The following CBLB variants were observed in gnomAD, a reference collection of about 807,000 sequenced individuals.
The protein encoded by CBLB is E3 ubiquitin-protein ligase CBL-B.
In CBLB, 31 loss-of-function variants were observed where a neutral mutation model predicts 104.9. That is an observed-to-expected ratio of 0.30 (90% CI 0.22 to 0.40). The LOEUF (loss-of-function observed/expected upper bound fraction) is 0.40. CBLB is among the 10% of genes least tolerant of loss of function. The pLI is 1.00. For synonymous variants in CBLB, 440 were observed against 422.6 expected, an observed-to-expected ratio of 1.04 and a Z score of -0.51; for missense variants, 1,062 against 1,214.6, an observed-to-expected ratio of 0.87 and a Z score of 1.87.
intron 10 of CBLB, among the ~76,000 whole-genome samples, chr3:105,709,464 G>A (rs1401622684): frequency 1.3e-5 from 2 of 151,562 alleles, no homozygotes; most frequent in African/African-American, 4.8e-5. Context: ...GGAATTATAG[G>A]GAAATATAAA....
chr3:105,709,803 T>C (rs931511074), intron 10 of CBLB, among the ~76,000 whole-genome samples: 1 of 151,914 alleles, frequency 6.6e-6, no homozygotes, highest in African/African-American at 2.4e-5. Context: ...TTTATGAATA[T>C]TTTTAAGGCT....
chr3:105,826,973 C>T (rs570113414), intron 3 of CBLB, among the ~76,000 whole-genome samples: 56 of 152,274 alleles, frequency 3.7e-4, no homozygotes, highest in South Asian at 1.7e-3. Flanking sequence ...TATTTACATA[C>T]ACTTACAGCT....
chr3:105,662,774 GAGAA>G (rs1247004453), intron 18 of CBLB, among the ~76,000 whole-genome samples: 3 of 152,134 alleles, frequency 2.0e-5, no homozygotes, highest in African/African-American at 7.2e-5. Context: ...ACTCTTCTTT[GAGAA>G]AGAAAGATTT....
Position 105,778,100 on chromosome 3 carries a change from TGA to T in CBLB, c.420-1560_420-1559del, listed in dbSNP as rs970535317. Reference sequence around the variant, plus strand: ...GCATGTGTATGTGCACCTGTATATATGAGAGAGAGAGAGAGTGTGTGTGTGTG... The same window carrying T: ...GCATGTGTATGTGCACCTGTATATATGAGAGAGAGAGAGTGTGTGTGTGTG... On this transcript the variant is annotated intron_variant, in intron 3 of 18. Coordinates refer to ENST00000394030, the MANE Select transcript of CBLB (RefSeq NM_170662.5). Among the ~76,000 whole-genome samples the T allele has an allele frequency of 1.4e-4, 21 of 151,174 alleles. 1 individual carries two copies. Among genetic ancestry groups the T allele is most frequent in the South Asian group, 8.4e-4 (4 of 4,782 alleles).
At chr3:105,755,498 T>C (rs1013670771) in intron 4 of CBLB, among the ~76,000 whole-genome samples, 4 of 17,526 alleles carry the variant, frequency 2.3e-4, no homozygotes, top group African/African-American at 7.3e-4. Context: ...AGGAGAATGA[T>C]TTCTTTTAAA....
intron 6 of CBLB, among the ~76,000 whole-genome samples, chr3:105,744,785 C>A (rs922337304): frequency 1.3e-5 from 2 of 152,016 alleles, no homozygotes; most frequent in African/African-American, 2.4e-5. Flanking sequence ...CAAAAAATAG[C>A]TGGGCGTGGT....
chr3:105,834,313 T>C (rs570840607), intron 3 of CBLB, among the ~76,000 whole-genome samples: 2 of 152,304 alleles, frequency 1.3e-5, no homozygotes, highest in Admixed American at 1.3e-4. Flanking sequence ...AATGTATACA[T>C]ATACAGAAAC....
intron 3 of CBLB, among the ~76,000 whole-genome samples, chr3:105,781,020 T>C (rs1053463004): frequency 6.6e-6 from 1 of 152,114 alleles, no homozygotes; most frequent in African/African-American, 2.4e-5. Flanking sequence ...AAAGTAGTTG[T>C]CAACACTGGC....
At chr3:105,822,391 T>C (rs1340629946) in intron 3 of CBLB, among the ~76,000 whole-genome samples, 1 of 152,196 alleles carries the variant, frequency 6.6e-6, no homozygotes, top group Admixed American at 6.5e-5. Flanking sequence ...AGGCAAAGTT[T>C]CTATGTCTTT....
chr3:105,831,864 T>A (rs2087580358), intron 3 of CBLB, among the ~76,000 whole-genome samples: 3 of 151,942 alleles, frequency 2.0e-5, no homozygotes, highest in Admixed American at 6.6e-5. Flanking sequence ...AGTTTAAATG[T>A]TATTCAAGAG....
intron 8 of CBLB, 59 bp from the exon 9 acceptor site, chr3:105,734,199 G>C (rs906985392): frequency 1.3e-6 from 2 of 1,561,268 alleles, no homozygotes; most frequent in African/African-American, 1.4e-5. Flanking sequence ...CAAATTGTTA[G>C]TATCAAATTT....
chr3:105,767,559 TTTC>T (rs1428132756), intron 4 of CBLB, among the ~76,000 whole-genome samples: 35 of 5,650 alleles, frequency 6.2e-3, no homozygotes, highest in East Asian at 0.026. Flanking sequence ...TTTCTTTTTC[TTTC>T]TTTTTTTTTT....
chr3:105,820,194 C>A (rs1450624243), intron 3 of CBLB, among the ~76,000 whole-genome samples: 1 of 152,148 alleles, frequency 6.6e-6, no homozygotes, highest in Non-Finnish European at 1.5e-5. Context: ...AGGGTTCACA[C>A]TCCTATGAGA....
chr3:105,854,466 T>C (rs2091343033), intron 2 of CBLB, among the ~76,000 whole-genome samples: 1 of 152,216 alleles, frequency 6.6e-6, no homozygotes, highest in South Asian at 2.1e-4. Context: ...TAAATAACTT[T>C]CAAATGAAAT....
intron 13 of CBLB, among the ~76,000 whole-genome samples, chr3:105,687,180 A>G (rs1182544081): frequency 6.6e-6 from 1 of 152,144 alleles, no homozygotes; most frequent in Non-Finnish European, 1.5e-5. Context: ...CTTTCTATGC[A>G]ATTCAAGCAT....
intron 5 of CBLB, among the ~76,000 whole-genome samples, chr3:105,748,000 T>G (rs966129504): frequency 2.0e-5 from 3 of 152,228 alleles, no homozygotes; most frequent in Admixed American, 1.3e-4. Context: ...TGTATTGTTT[T>G]CCTTGTATGC....
intron 10 of CBLB, among the ~76,000 whole-genome samples, chr3:105,713,771 C>G (rs1366723744): frequency 3.3e-5 from 5 of 152,166 alleles, no homozygotes; most frequent in Admixed American, 1.3e-4. Context: ...GGATTGCTTA[C>G]TGTCACTCAC....
At chr3:105,782,717 T>A (rs1412447182) in intron 3 of CBLB, among the ~76,000 whole-genome samples, 1 of 151,012 alleles carries the variant, frequency 6.6e-6, no homozygotes, top group African/African-American at 2.4e-5. Flanking sequence ...CTCCAGAGGG[T>A]GTATGCCACC....
rs2063341443 is a variant in CBLB at position 105,656,325 on chromosome 3, T to C, written c.*2645A>G. On this transcript the variant is annotated 3_prime_UTR_variant, in exon 19 of 19. Coordinates refer to ENST00000394030, the MANE Select transcript of CBLB (RefSeq NM_170662.5). Reference sequence around the variant, plus strand: ...ACCAAATCTTGAGAAATGGAAGGAATGTCTAACTTTTTGGATCACAGTGAA... The same window carrying C: ...ACCAAATCTTGAGAAATGGAAGGAACGTCTAACTTTTTGGATCACAGTGAA... 1 of 204,322 alleles carries C rather than the reference T, an allele frequency of 4.9e-6. No individual in the cohort carries two copies. Among genetic ancestry groups the C allele is most frequent in the Admixed American group, 6.0e-5 (1 of 16,686 alleles). The allele number at this position is 204,322 out of a possible 1,614,324, so 12.7% of individuals were successfully genotyped here.
Sources: gnomAD v4.1 joint callset for allele counts (sites outside exome capture counted in the v4.1 genomes callset) on GRCh38, gnomAD v4.1.1 for gene constraint, MANE v1.5 for transcripts, NCBI Gene and HGNC (gene_info 2026-07-23, HGNC 2026-07-21) for gene names.